Variants in ANP32A observed in about 807,000 individuals in gnomAD.
The protein encoded by ANP32A is acidic leucine-rich nuclear phosphoprotein 32 family member A.
A neutral mutation model predicts 33.9 loss-of-function variants in ANP32A; 1 was observed. The ratio of observed to expected loss-of-function variants is 0.03; its 90% CI spans 0.01 to 0.14. The LOEUF is 0.14. Among genes scored for constraint, ANP32A ranks in the 10% least tolerant of loss-of-function variants. The pLI, the probability that ANP32A is intolerant of heterozygous loss-of-function variation, is 1.00. For synonymous variants in ANP32A, 115 were observed against 120.5 expected (o/e 0.95, Z 0.30); for missense variants, 155 against 306.0 (o/e 0.51, Z 3.68).
intron 1 of ANP32A, among the ~76,000 whole-genome samples, chr15:68,799,062 A>T (rs1894097816): frequency 6.6e-6 from 1 of 152,234 alleles, no homozygotes; most frequent in South Asian, 2.1e-4. Flanking sequence ...AACATTAGTT[A>T]TTTCTCCCTT....
intron 1 of ANP32A, among the ~76,000 whole-genome samples, chr15:68,788,151 C>T (rs1045171317): frequency 2.0e-5 from 3 of 152,124 alleles, no homozygotes; most frequent in Non-Finnish European, 1.5e-5. Flanking sequence ...TGTGGTGAGC[C>T]GAGCTGCAGA....
At chr15:68,798,138 C>T (rs1894086827) in intron 1 of ANP32A, among the ~76,000 whole-genome samples, 1 of 152,324 alleles carries the variant, frequency 6.6e-6, no homozygotes, top group Non-Finnish European at 1.5e-5. Flanking sequence ...TTGTGGACTG[C>T]GGGAGCTGTC....
At position 68,820,715 on chromosome 15, in the gene ANP32A, T is replaced by G; in HGVS notation, c.37A>C (p.Asn13His). ...MGRRIHLELR[N>H]RTPSDVKELV... ...ATGCTCACATCAGAGGGCGTCCTGT[T>G]CCGCAGCTCTAAATGAATCCGTCTG... Residue 13 changes from asparagine (N) to histidine (H), a missense_variant, in exon 1 of 7, where the codon AAC becomes CAC. Coordinates refer to ENST00000465139, the MANE Select transcript of ANP32A (RefSeq NM_006305.4). 6.2e-7 allele frequency: 1 copy of G among 1,603,588 alleles called. No homozygotes were observed. The highest frequency in any genetic ancestry group is 8.5e-7 in the Non-Finnish European group (1 of 1,174,042).
chr15:68,816,208 C>A (rs2140375892), intron 1 of ANP32A, among the ~76,000 whole-genome samples: 1 of 152,216 alleles, frequency 6.6e-6, no homozygotes, highest in South Asian at 2.1e-4. Context: ...TCTACGGTGG[C>A]ACCACTCCAA....
chr15:68,780,605 G>A lies in ANP32A; in HGVS notation c.625-132C>T, dbSNP rs1006017382. 9.1e-6 allele frequency: 13 copies of A among 1,431,534 alleles called. No individual in the cohort carries two copies. Among genetic ancestry groups the A allele is most frequent in the East Asian group, 2.4e-5 (1 of 41,156 alleles). The allele number at this position is 1,431,534 out of a possible 1,614,324, so 88.7% of individuals were successfully genotyped here. A position where few individuals can be genotyped will look rare whatever the true frequency, so the allele number is the denominator to read the frequency against. The stretch of plus-strand genomic sequence containing the variant: ...AGCCCCCACCAAGACTTGACATCTC[G>A]GGAGGAATGTAAAGCAGAGGTTCTT... On this transcript the variant is annotated intron_variant, in intron 5 of 6. Transcript: ENST00000465139. The surrounding 1 kb of genome is among the most constrained non-coding windows in gnomAD (Gnocchi z 4.3).
intron 1 of ANP32A, among the ~76,000 whole-genome samples, chr15:68,806,444 G>C (rs888279868): frequency 1.3e-5 from 2 of 152,144 alleles, no homozygotes; most frequent in African/African-American, 4.8e-5. Flanking sequence ...GGCTTTAAGA[G>C]GGCAGTCAGC....
chr15:68,790,967 G>C (rs1893991029), intron 1 of ANP32A: 1 of 152,220 alleles, frequency 6.6e-6, no homozygotes, highest in South Asian at 2.1e-4. Context: ...TCTCTCCCCA[G>C]AAGTCACAGA....
intron 1 of ANP32A, among the ~76,000 whole-genome samples, chr15:68,796,463 T>C (rs528196484): frequency 6.6e-6 from 1 of 152,088 alleles, no homozygotes; most frequent in Admixed American, 6.5e-5. Flanking sequence ...GATCCACCTG[T>C]CTCCACCTCC....
intron 1 of ANP32A, among the ~76,000 whole-genome samples, 172 bp downstream of exon 1, chr15:68,820,526 C>A (rs1395031088): frequency 6.6e-6 from 1 of 151,870 alleles, no homozygotes; most frequent in Admixed American, 6.5e-5. Flanking sequence ...GGAACATGCT[C>A]GGATGGCATT....
intron 1 of ANP32A, chr15:68,791,374 T>C (rs1221360893): frequency 2.0e-5 from 3 of 152,304 alleles, no homozygotes; most frequent in Non-Finnish European, 4.4e-5. Context: ...TTATAAGTGT[T>C]GGCCATGACT....
At chr15:68,801,219 G>GAAGA (rs1555423702) in intron 1 of ANP32A, among the ~76,000 whole-genome samples, 93 of 111,174 alleles carry the variant, frequency 8.4e-4, no homozygotes, top group Middle Eastern at 4.3e-3. Flanking sequence ...AGAAGAAGAA[G>GAAGA]AAAAAAAAAA....
Position 68,787,938 on chromosome 15 carries a change from G to A in ANP32A, c.55-19C>T, listed in dbSNP as rs374654173. 3.6e-5 allele frequency: 58 copies of A among 1,613,830 alleles called. No individual in the cohort carries two copies. Among genetic ancestry groups the A allele is most frequent in the African/African-American group, 3.1e-4 (23 of 74,912 alleles). On this transcript the variant is annotated intron_variant, in intron 1 of 6. Transcript: ENST00000465139. ...CTTTCACCTGAAAGAAGGCCCGACC[G>A]TGTGAGCGGGGCTGAGGAATGGGGC...
chr15:68,787,367 T>C, intron 3 of ANP32A, 46 bp downstream of exon 3: 1 of 1,613,328 alleles, frequency 6.2e-7, no homozygotes. Flanking sequence ...TGCCAATTCC[T>C]CCCACCTCCT....
In ANP32A at chr15:68,780,839, C is replaced by T. The variant is rs948217792; in HGVS notation, c.625-366G>A. 4 of 185,340 alleles carry T rather than the reference C, an allele frequency of 2.2e-5. No homozygotes were observed. In the Admixed American group the frequency reaches 2.2e-4, roughly 10 times the overall value. 11.5% of individuals were successfully genotyped at this position (185,340 alleles called of 1,614,324 possible). ...TCTCTGAGGAGAACAAGTTCCCGAG[C>T]AGACTCCCTGACGTGCAAAGTAGGC... On this transcript the variant is annotated intron_variant, in intron 5 of 6. Coordinates refer to ENST00000465139, the MANE Select transcript of ANP32A (RefSeq NM_006305.4). The surrounding 1 kb of genome is among the most constrained non-coding windows in gnomAD (Gnocchi z 4.3).
At chr15:68,818,623 C>T (rs528128583) in intron 1 of ANP32A, among the ~76,000 whole-genome samples, 21 of 151,928 alleles carry the variant, frequency 1.4e-4, no homozygotes, top group Non-Finnish European at 2.8e-4. Context: ...CTCCCCAACA[C>T]ACACACACAC....
chr15:68,781,883 C>T (rs1478399426), intron 5 of ANP32A, among the ~76,000 whole-genome samples: 14 of 152,194 alleles, frequency 9.2e-5, no homozygotes, highest in Admixed American at 2.0e-4. Flanking sequence ...GGATTACAGG[C>T]GTGAGCCACC....
At chr15:68,800,064 A>G (rs960399879) in intron 1 of ANP32A, among the ~76,000 whole-genome samples, 1 of 33,958 alleles carries the variant, frequency 2.9e-5, no homozygotes, top group African/African-American at 7.2e-5. Flanking sequence ...CCCTGTATGA[A>G]TCACAAGGCT....
chr15:68,801,482 G>C (rs546341832), intron 1 of ANP32A, among the ~76,000 whole-genome samples: 1 of 152,004 alleles, frequency 6.6e-6, no homozygotes, highest in South Asian at 2.1e-4. Context: ...AAAATGGGAC[G>C]AGTCCCTACC....
chr15:68,779,989 T>C lies in ANP32A; in HGVS notation c.*92A>G. On this transcript the variant is annotated 3_prime_UTR_variant, in exon 7 of 7. Coordinates refer to ENST00000465139, the MANE Select transcript of ANP32A (RefSeq NM_006305.4). Reference sequence around the variant, plus strand: ...ACGTTACAATCAGAAAAAAATAAGTTTCAGGGGGCAGGATTGGAGGGGGGG... The same window carrying C: ...ACGTTACAATCAGAAAAAAATAAGTCTCAGGGGGCAGGATTGGAGGGGGGG... 5.8e-6 allele frequency: 7 copies of C among 1,215,082 alleles called. No homozygotes were observed. Among genetic ancestry groups the C allele is most frequent in the Non-Finnish European group, 8.1e-6 (7 of 859,562 alleles). The allele number at this position is 1,215,082 out of a possible 1,614,324, so 75.3% of individuals were successfully genotyped here. A position where few individuals can be genotyped will look rare whatever the true frequency, so the allele number is the denominator to read the frequency against.
Sources: gnomAD v4.1 joint callset for allele counts (sites outside exome capture counted in the v4.1 genomes callset) on GRCh38, gnomAD v4.1.1 for gene constraint, Gnocchi (gnomAD v3.1) non-coding constraint, MANE v1.5 for transcripts, NCBI Gene and HGNC (gene_info 2026-07-23, HGNC 2026-07-21) for gene names.